FHIP2B: variants seen among roughly 807,000 people sequenced by gnomAD.
FHIP2B encodes the protein FHF complex subunit HOOK-interacting protein 2B.
FHIP2B carries 72 observed loss-of-function variants against 84.0 expected under a neutral mutation model. The ratio of observed to expected loss-of-function variants is 0.86; its 90% CI spans 0.71 to 1.04. The LOEUF (loss-of-function observed/expected upper bound fraction) is 1.04, where lower values mean the gene tolerates loss of function less well. FHIP2B is among the 50% of genes least tolerant of loss of function. The pLI is 0.00. For missense variants in FHIP2B, 972 were observed against 968.9 expected (o/e 1.00, Z -0.04); for synonymous variants, 497 against 418.7 (o/e 1.19, Z -2.28).
intron 2 of FHIP2B, 93 bp downstream of exon 2, chr8:22,094,611 TAACCTGCCC>T: frequency 6.3e-7 from 1 of 1,581,140 alleles, no homozygotes; most frequent in African/African-American, 1.4e-5. Flanking sequence ...CTGGGAAAGG[TAACCTGCCC>T]AGTCGTTCAG....
intron 1 of FHIP2B, chr8:22,089,932 C>A: frequency 2.0e-6 from 2 of 1,015,820 alleles, no homozygotes; most frequent in South Asian, 1.4e-5. Flanking sequence ...TCCAGCGTGG[C>A]TGTGACCCCT....
chr8:22,094,399 C>G, intron 1 of FHIP2B, 41 bp from the exon 2 acceptor site: 1 of 1,554,800 alleles, frequency 6.4e-7, no homozygotes, highest in Non-Finnish European at 8.7e-7. Flanking sequence ...GCTCCCTGGC[C>G]TTTGTGGCCC....
chr8:22,102,588 C>G lies in FHIP2B; in HGVS notation c.2053C>G (p.Leu685Val), dbSNP rs1465551074. 1.3e-6 allele frequency: 2 copies of G among 1,564,946 alleles called. No homozygotes were observed. Among genetic ancestry groups the G allele is most frequent in the Non-Finnish European group, 8.7e-7 (1 of 1,155,020 alleles). ...ACCCCAGTTCCCAGGCAAGCTGCTC[C>G]TGGTGCGCAAGCAGTTGACGGGCCA... ...RVPQFPGKLL[L>V]VRKQLTGQAP... Residue 685 changes from leucine (L) to valine (V), a missense_variant, in exon 16 of 17, where the codon CTG becomes GTG. Transcript: ENST00000289921.
Position 22,099,806 on chromosome 8 carries a change from C to T in FHIP2B, c.1254C>T (p.Gly418=). ...LLREAVAFLL[G]TDRQPEAPGD... is the part of the protein sequence containing the mutation. ...GGGAGGCCGTGGCTTTCCTCCTGGG[C>T]ACAGACCGGCAGCCTGAAGCCCCCG... The change falls in exon 10 of 17, where the codon GGC becomes GGT. Residue 418 remains glycine, a synonymous_variant. Coordinates refer to ENST00000289921, the MANE Select transcript of FHIP2B (RefSeq NM_022749.7). 6.2e-7 allele frequency: 1 copy of T among 1,613,048 alleles called. No homozygotes were observed. Among genetic ancestry groups the T allele is most frequent in the Non-Finnish European group, 8.5e-7 (1 of 1,179,720 alleles).
chr8:22,100,179 T>G, intron 10 of FHIP2B: 1 of 434,186 alleles, frequency 2.3e-6, no homozygotes, highest in Non-Finnish European at 4.0e-6. Flanking sequence ...AGCGATCCTC[T>G]CACCTCAGCC....
intron 1 of FHIP2B, among the ~76,000 whole-genome samples, chr8:22,092,509 G>C (rs2131684516): frequency 6.6e-6 from 1 of 150,632 alleles, no homozygotes; most frequent in Middle Eastern, 3.4e-3. Context: ...AGGAAGCGGA[G>C]GTTACAGTGA....
intron 1 of FHIP2B, among the ~76,000 whole-genome samples, chr8:22,091,687 C>G (rs1825502210): frequency 6.6e-6 from 1 of 152,204 alleles, no homozygotes; most frequent in Admixed American, 6.5e-5. Context: ...CCTGCCTCTC[C>G]CGTGTCTCCT....
Position 22,098,956 on chromosome 8 carries a change from G to T in FHIP2B, c.974G>T (p.Ser325Ile). 6.2e-7 allele frequency: 1 copy of T among 1,604,072 alleles called. No individual in the cohort carries two copies. Reference sequence around the variant, plus strand: ...CTCCCCTCTTCCTTCAGGTTACCCAGTGCCCCGTCTGATGAGGCTTCCTTC... The same window carrying T: ...CTCCCCTCTTCCTTCAGGTTACCCATTGCCCCGTCTGATGAGGCTTCCTTC... ...TLEGISWRLPSAPSDEASFPG... is the reference protein window; with the variant it reads ...TLEGISWRLPIAPSDEASFPG... Residue 325 changes from serine (S) to isoleucine (I), a missense_variant, in exon 8 of 17, where the codon AGT (serine) becomes ATT (isoleucine). Transcript: ENST00000289921.
At chr8:22,097,994 C>A in intron 5 of FHIP2B, 74 bp from the exon 6 acceptor site, 1 of 1,527,124 alleles carries the variant, frequency 6.5e-7, no homozygotes, top group Non-Finnish European at 8.8e-7. Context: ...GCTGGCAGCC[C>A]ACCCTGCGGT....
chr8:22,102,118 T>A, intron 14 of FHIP2B, 57 bp from the exon 15 acceptor site: 1 of 1,611,010 alleles, frequency 6.2e-7, no homozygotes, highest in South Asian at 1.1e-5. Context: ...GCTGGGGGAG[T>A]GCAAAAATAC....
At chr8:22,091,158 G>C (rs1423909548) in intron 1 of FHIP2B, among the ~76,000 whole-genome samples, 1 of 149,550 alleles carries the variant, frequency 6.7e-6, no homozygotes, top group East Asian at 2.0e-4. Context: ...TGTGATCCTA[G>C]TAAGTCAACT....
At position 22,099,055 on chromosome 8, in the gene FHIP2B, C is replaced by G; in HGVS notation, c.1073C>G (p.Thr358Arg). 6.3e-7 allele frequency: 1 copy of G among 1,597,652 alleles called. No homozygotes were observed. Among genetic ancestry groups the G allele is most frequent in the Non-Finnish European group, 8.5e-7 (1 of 1,171,372 alleles). ...GACCACCTCATCACAGAGGCACACA[C>G]GGTGAGCAGGGGCGGGCGGAGGCCG... ...YCDHLITEAHTVVADALAKAV... is the reference protein window; with the variant it reads ...YCDHLITEAHRVVADALAKAV... Residue 358 changes from threonine (T) to arginine (R), a missense_variant and splice_region_variant, in exon 8 of 17, where the codon ACG (threonine) becomes AGG (arginine). Thr to Arg is a moderately conservative substitution (Grantham distance 71). Transcript: ENST00000289921.
intron 1 of FHIP2B, among the ~76,000 whole-genome samples, chr8:22,092,030 T>C (rs1825518331): frequency 1.3e-5 from 2 of 152,204 alleles, no homozygotes; most frequent in South Asian, 4.1e-4. Context: ...ACATAGAATG[T>C]AGTGAGATGC....
intron 1 of FHIP2B, among the ~76,000 whole-genome samples, 184 bp downstream of exon 1, chr8:22,089,482 C>T (rs796964223): frequency 2.0e-4 from 31 of 151,732 alleles, no homozygotes; most frequent in African/African-American, 7.2e-4. Context: ...CCTCGCTCTT[C>T]CCAGTCCCGC....
chr8:22,089,933 T>C (rs1370181794), intron 1 of FHIP2B: 22 of 1,017,996 alleles, frequency 2.2e-5, no homozygotes, highest in Non-Finnish European at 2.8e-5. Flanking sequence ...CCAGCGTGGC[T>C]GTGACCCCTC....
In FHIP2B at chr8:22,091,688, C is replaced by T. The variant is rs148254670; in HGVS notation, c.45+2390C>T. ...CCTGTGCTGGTTAACCTGCCTCTCC[C>T]GTGTCTCCTGCCGTACTGGAGTATT... On this transcript the variant is annotated intron_variant, in intron 1 of 16. Coordinates refer to ENST00000289921, the MANE Select transcript of FHIP2B (RefSeq NM_022749.7). Among the ~76,000 whole-genome samples the T allele has an allele frequency of 3.3e-5, 5 of 152,302 alleles. No homozygotes were observed. The East Asian group carries it at 5.8e-4, about 18-fold the overall frequency.
rs755430821 is a variant in FHIP2B, at chr8:22,101,798, G to C, written c.1798G>C (p.Glu600Gln). The change falls in exon 14 of 17, where the codon GAG (glutamate) becomes CAG (glutamine). Residue 600 changes from glutamate (E) to glutamine (Q), a missense_variant. Transcript: ENST00000289921. ...CCATGAGCCCGAGCGACCTTTCTTC[G>C]AGGGCCACTTCCTCCGAGTGCTGTT... ...DPHEPERPFF[E>Q]GHFLRVLFDR... 22 of 1,613,402 alleles carry C rather than the reference G, an allele frequency of 1.4e-5. No individual in the cohort carries two copies. The African/African-American group carries it at 1.9e-4, about 14-fold the overall frequency.
chr8:22,099,830 C>T lies in FHIP2B; in HGVS notation c.1278C>T (p.Pro426=), dbSNP rs1372023244. 2.5e-6 allele frequency: 4 copies of T among 1,613,006 alleles called. No individual in the cohort carries two copies. Among genetic ancestry groups the T allele is most frequent in the African/African-American group, 1.3e-5 (1 of 74,914 alleles). The change falls in exon 10 of 17, where the codon CCC becomes CCT. Residue 426 remains proline (P), a synonymous_variant. Transcript: ENST00000289921. ...LLGTDRQPEA[P]GDNPHTLYAH... ...GCACAGACCGGCAGCCTGAAGCCCC[C>T]GGGGACAACCCCCACACCCTGTATG...
Position 22,097,587 on chromosome 8 carries a change from G to A in FHIP2B, c.369G>A (p.Leu123=), listed in dbSNP as rs986768620. Residue 123 remains leucine, a synonymous_variant, in exon 4 of 17, where the codon CTG becomes CTA. Coordinates refer to ENST00000289921, the MANE Select transcript of FHIP2B (RefSeq NM_022749.7). ...TTCTGGCGCAGGTGCAGCACCCCCT[G>A]CTGCATTACCTCAGCGTCCACAGGC... ...SKVLAQVQHP[L]LHYLSVHRPV... is the part of the protein sequence containing the mutation. The A allele has an allele frequency of 1.2e-6, 2 of 1,609,308 alleles. No individual in the cohort carries two copies. Among genetic ancestry groups the A allele is most frequent in the Non-Finnish European group, 1.7e-6 (2 of 1,178,164 alleles).
Sources: gnomAD v4.1 joint callset for allele counts (sites outside exome capture counted in the v4.1 genomes callset) on GRCh38, gnomAD v4.1.1 for gene constraint, MANE v1.5 for transcripts, NCBI Gene and HGNC (gene_info 2026-07-23, HGNC 2026-07-21) for gene names.